PLCL1: variants seen among roughly 807,000 people sequenced by gnomAD.
The protein encoded by PLCL1 is phospholipase C like 1 (inactive).
PLCL1 carries 41 observed loss-of-function variants against 84.4 expected under a neutral mutation model. The observed-to-expected ratio is 0.49, with a 90% CI of 0.38 to 0.63. The LOEUF (loss-of-function observed/expected upper bound fraction) is 0.63. Among genes scored for constraint, PLCL1 ranks in the 30% least tolerant of loss-of-function variants. The pLI is 0.00. For missense variants in PLCL1, 1,206 were observed against 1,367.8 expected (o/e 0.88, Z 1.87); for synonymous variants, 490 against 488.3 (o/e 1.00, Z -0.05).
intron 1 of PLCL1, among the ~76,000 whole-genome samples, chr2:197,874,058 C>A (rs1412446224): frequency 6.6e-6 from 1 of 152,052 alleles, no homozygotes; most frequent in Admixed American, 6.6e-5. Context: ...TTCAAAGCAA[C>A]CTTATGAAAT....
intron 1 of PLCL1, among the ~76,000 whole-genome samples, chr2:197,952,870 G>A (rs983489310): frequency 1.3e-5 from 2 of 151,924 alleles, no homozygotes; most frequent in Admixed American, 6.6e-5. Context: ...TTCACCTTCC[G>A]CCATGATTGT....
rs61183744 is a variant in PLCL1, at chr2:197,886,411, C to CAAAAAAAAAAAAAAAA, written c.240+81098_240+81113dup. Among the ~76,000 whole-genome samples, 26 of 77,090 alleles carry CAAAAAAAAAAAAAAAA rather than the reference C, an allele frequency of 3.4e-4. 3 individuals are homozygous for CAAAAAAAAAAAAAAAA. Among genetic ancestry groups the CAAAAAAAAAAAAAAAA allele is most frequent in the Non-Finnish European group, 4.8e-4 (18 of 37,398 alleles). The allele number at this position is 77,090 out of a possible 152,430, so 50.6% of individuals were successfully genotyped here. On this transcript the variant is annotated intron_variant, in intron 1 of 5. Coordinates refer to ENST00000428675, the MANE Select transcript of PLCL1 (RefSeq NM_006226.4). The stretch of plus-strand genomic sequence containing the variant: ...TGGGCAACAGAATGAGACTCTGTCT[C>CAAAAAAAAAAAAAAAA]AAAAAAAAAAAAAAAAAAAAAAAAA...
Position 198,083,994 on chromosome 2 carries a change from T to C in PLCL1, c.477T>C (p.Asp159=). 2 of 1,614,174 alleles carry C rather than the reference T, an allele frequency of 1.2e-6. No homozygotes were observed. Residue 159 remains aspartate, a synonymous_variant, in exon 2 of 6, where the codon GAT becomes GAC. Transcript: ENST00000428675. ...SKKDLEKAKL[D]ISAIKEIRLG... is the part of the protein sequence containing the mutation. ...AAGACCTCGAGAAAGCCAAGCTTGA[T>C]ATTTCTGCCATAAAAGAGATCAGAC... is the stretch of plus-strand genomic sequence containing the variant.
In PLCL1 at chr2:197,983,407, A is replaced by C. The variant is rs1198023732; in HGVS notation, c.241-100351A>C. Among the ~76,000 whole-genome samples the C allele has an allele frequency of 2.0e-5, 3 of 149,342 alleles. No homozygotes were observed. In the East Asian group the frequency reaches 5.9e-4, roughly 29 times the overall value. On this transcript the variant is annotated intron_variant, in intron 1 of 5. Coordinates refer to ENST00000428675, the MANE Select transcript of PLCL1 (RefSeq NM_006226.4). Reference sequence around the variant, plus strand: ...ACCACGCTTGGCTAATTTTTAAAAAACTTTTTGTAGAGACGGAGTCTCCCT... The same window carrying C: ...ACCACGCTTGGCTAATTTTTAAAAACCTTTTTGTAGAGACGGAGTCTCCCT...
At chr2:197,823,015 G>A (rs1450623016) in intron 1 of PLCL1, among the ~76,000 whole-genome samples, 34 of 151,992 alleles carry the variant, frequency 2.2e-4, no homozygotes, top group Admixed American at 2.0e-3. Flanking sequence ...TTCTTCAATA[G>A]GGAAGCAATT....
intron 1 of PLCL1, among the ~76,000 whole-genome samples, chr2:197,920,704 G>C (rs1688684345): frequency 6.6e-6 from 1 of 152,162 alleles, no homozygotes; most frequent in Admixed American, 6.5e-5. Context: ...GCCCTCTGAA[G>C]AATATATATA....
At chr2:197,969,872 C>T (rs1293441667) in intron 1 of PLCL1, among the ~76,000 whole-genome samples, 1 of 152,172 alleles carries the variant, frequency 6.6e-6, no homozygotes, top group African/African-American at 2.4e-5. Context: ...ACTGCAATGT[C>T]CAGAGTCTCC....
intron 1 of PLCL1, among the ~76,000 whole-genome samples, chr2:197,980,590 A>G (rs1248796566): frequency 1.3e-5 from 2 of 152,196 alleles, no homozygotes; most frequent in Non-Finnish European, 2.9e-5. Flanking sequence ...CATGGGTGAG[A>G]GAATATTGAA....
chr2:198,101,666 G>A (rs76986580), intron 4 of PLCL1, among the ~76,000 whole-genome samples: 1,661 of 151,960 alleles, frequency 0.011, 15 homozygotes, highest in African/African-American at 0.021. Flanking sequence ...TTCTACTGCT[G>A]GTATTGAAGC....
intron 1 of PLCL1, among the ~76,000 whole-genome samples, chr2:197,998,475 A>AGC (rs1405643596): frequency 6.6e-6 from 1 of 152,106 alleles, no homozygotes; most frequent in Non-Finnish European, 1.5e-5. Flanking sequence ...CTACCTTTGT[A>AGC]AAATCATTAT....
At chr2:198,015,570 T>C (rs1268332768) in intron 1 of PLCL1, among the ~76,000 whole-genome samples, 1 of 152,162 alleles carries the variant, frequency 6.6e-6, no homozygotes, top group Admixed American at 6.5e-5. Context: ...GGTGTGGAAA[T>C]GACTTATTCA....
At chr2:197,930,166 C>T (rs987764404) in intron 1 of PLCL1, among the ~76,000 whole-genome samples, 1 of 152,130 alleles carries the variant, frequency 6.6e-6, no homozygotes, top group Non-Finnish European at 1.5e-5. Flanking sequence ...GGAATATGTG[C>T]CATTTAGATC....
intron 1 of PLCL1, among the ~76,000 whole-genome samples, chr2:197,950,834 T>G (rs1574965051): frequency 6.6e-6 from 1 of 152,280 alleles, no homozygotes; most frequent in African/African-American, 2.4e-5. Context: ...TTGCCTAATA[T>G]TCTCCTATAA....
At chr2:197,835,775 G>A (rs1691174353) in intron 1 of PLCL1, among the ~76,000 whole-genome samples, 1 of 152,108 alleles carries the variant, frequency 6.6e-6, no homozygotes, top group African/African-American at 2.4e-5. Context: ...TTTAATAAAT[G>A]ATATTAGAAA....
intron 1 of PLCL1, among the ~76,000 whole-genome samples, chr2:197,929,579 A>C (rs897670236): frequency 6.6e-6 from 1 of 152,208 alleles, no homozygotes; most frequent in African/African-American, 2.4e-5. Flanking sequence ...GTACTTCAGA[A>C]GGTTAGGTAG....
At chr2:198,051,839 T>C (rs1691939089) in intron 1 of PLCL1, among the ~76,000 whole-genome samples, 1 of 151,560 alleles carries the variant, frequency 6.6e-6, no homozygotes, top group Non-Finnish European at 1.5e-5. Context: ...TTCAAGCGAT[T>C]CTCCTGCCTC....
chr2:198,083,701 C>A, intron 1 of PLCL1, 57 bp from the exon 2 acceptor site: 1 of 1,176,146 alleles, frequency 8.5e-7, no homozygotes, highest in Non-Finnish European at 1.2e-6. Flanking sequence ...TAGAGTGTTA[C>A]TGAATTTGTC....
intron 5 of PLCL1, among the ~76,000 whole-genome samples, chr2:198,130,081 A>G (rs1694082715): frequency 6.6e-6 from 1 of 151,920 alleles, no homozygotes; most frequent in Non-Finnish European, 1.5e-5. Context: ...TGCAGCCTCA[A>G]CCTGCTGGGC....
chr2:198,021,574 C>G (rs1227349242), intron 1 of PLCL1, among the ~76,000 whole-genome samples: 1 of 152,122 alleles, frequency 6.6e-6, no homozygotes, highest in Admixed American at 6.6e-5. Context: ...CACCACTGGT[C>G]CCACAGAAAT....
Sources: gnomAD v4.1 joint callset for allele counts (sites outside exome capture counted in the v4.1 genomes callset) on GRCh38, gnomAD v4.1.1 for gene constraint, MANE v1.5 for transcripts, NCBI Gene and HGNC (gene_info 2026-07-23, HGNC 2026-07-21) for gene names.